Variants in TAFA4 observed in about 807,000 individuals in gnomAD.
TAFA4 encodes the protein TAFA chemokine like family member 4.
Under a neutral mutation model 21.1 loss-of-function variants are expected in TAFA4, and 20 were observed. The observed-to-expected ratio is 0.95, with a 90% CI of 0.67 to 1.38. The LOEUF is 1.38. Among genes scored for constraint, TAFA4 ranks in the 40% most tolerant of loss-of-function variants. TAFA4 has a pLI of 0.00. For missense variants in TAFA4, 211 were observed against 180.9 expected (o/e 1.17, Z -0.95); for synonymous variants, 71 against 67.4 (o/e 1.05, Z -0.26).
chr3:68,750,334 G>C (rs1702537183), intron 4 of TAFA4, among the ~76,000 whole-genome samples: 1 of 152,140 alleles, frequency 6.6e-6, no homozygotes, highest in Admixed American at 6.5e-5. Context: ...AAATAATTAT[G>C]GCCTATCCAT....
At chr3:68,919,348 C>T (rs1466172713) in intron 1 of TAFA4, among the ~76,000 whole-genome samples, 4 of 152,150 alleles carry the variant, frequency 2.6e-5, no homozygotes, top group African/African-American at 9.7e-5. Flanking sequence ...TTAATGACAT[C>T]GTCTTGTTTT....
chr3:68,814,118 C>T (rs544039090), intron 3 of TAFA4, among the ~76,000 whole-genome samples: 13 of 152,218 alleles, frequency 8.5e-5, no homozygotes, highest in African/African-American at 3.1e-4. Flanking sequence ...ATTCAACAAC[C>T]CTTCACGCTA....
At chr3:68,792,719 A>G (rs1243004791) in intron 3 of TAFA4, among the ~76,000 whole-genome samples, 2 of 152,180 alleles carry the variant, frequency 1.3e-5, no homozygotes, top group African/African-American at 4.8e-5. Flanking sequence ...TAATTTTGTA[A>G]TTATTGTTCA....
intron 5 of TAFA4, among the ~76,000 whole-genome samples, chr3:68,736,996 C>T (rs1702252910): frequency 6.6e-6 from 1 of 152,120 alleles, no homozygotes; most frequent in Admixed American, 6.6e-5. Context: ...CTTACATTCC[C>T]AGCACAGAGC....
chr3:68,759,857 C>T (rs904336005), intron 3 of TAFA4, among the ~76,000 whole-genome samples: 3 of 152,132 alleles, frequency 2.0e-5, no homozygotes, highest in African/African-American at 7.2e-5. Context: ...TAAGCTACTT[C>T]CCTTCTGGCT....
At chr3:68,911,367 T>C (rs2089960293) in intron 1 of TAFA4, among the ~76,000 whole-genome samples, 1 of 152,212 alleles carries the variant, frequency 6.6e-6, no homozygotes, top group East Asian at 1.9e-4. Context: ...GAGATTTACA[T>C]TCCCTGTGTA....
intron 4 of TAFA4, among the ~76,000 whole-genome samples, chr3:68,749,041 G>C (rs879512046): frequency 2.0e-5 from 3 of 152,184 alleles, no homozygotes; most frequent in Non-Finnish European, 2.9e-5. Context: ...ATGCTTACCA[G>C]CTGAATAGCT....
intron 3 of TAFA4, among the ~76,000 whole-genome samples, chr3:68,844,582 G>A (rs191568087): frequency 8.6e-5 from 13 of 152,002 alleles, no homozygotes; most frequent in African/African-American, 2.4e-4. Context: ...GTTTGCTCTC[G>A]CTTCTCTAGT....
intron 1 of TAFA4, among the ~76,000 whole-genome samples, chr3:68,896,932 C>G (rs2089796036): frequency 6.6e-6 from 1 of 152,218 alleles, no homozygotes; most frequent in Non-Finnish European, 1.5e-5. Context: ...GAGACGAAGT[C>G]TCAGTCTGTC....
intron 3 of TAFA4, among the ~76,000 whole-genome samples, chr3:68,808,517 C>T (rs569963185): frequency 6.6e-6 from 1 of 152,292 alleles, no homozygotes; most frequent in African/African-American, 2.4e-5. Flanking sequence ...GAATGAGCCA[C>T]CATAGCCTAC....
In TAFA4 at chr3:68,732,980, C is replaced by A; in HGVS notation, c.*162G>T. On this transcript the variant is annotated 3_prime_UTR_variant, in exon 6 of 6. Transcript: ENST00000295569. The stretch of plus-strand genomic sequence containing the variant: ...AAATAAAATCACGAAGCAGAGAGGG[C>A]TGGGCCAGTTAAGTGAATGCCACCT... The A allele has an allele frequency of 1.3e-6, 1 of 789,502 alleles. No homozygotes were observed. The allele number at this position is 789,502 out of a possible 1,614,324, so 48.9% of individuals were successfully genotyped here. A position where few individuals can be genotyped will look rare whatever the true frequency, so the allele number is the denominator to read the frequency against.
chr3:68,855,612 A>G (rs6797048), intron 3 of TAFA4, among the ~76,000 whole-genome samples: 46,000 of 152,018 alleles, frequency 0.3, 7,609 homozygotes, highest in Non-Finnish European at 0.38. Context: ...GTAGGGGGGA[A>G]AAAAGTTGTA....
chr3:68,881,951 C>G (rs1328811684), intron 2 of TAFA4, among the ~76,000 whole-genome samples: 1 of 152,110 alleles, frequency 6.6e-6, no homozygotes, highest in Non-Finnish European at 1.5e-5. Flanking sequence ...CACCATACGC[C>G]GAGGCACACA....
At chr3:68,917,753 C>CCAAA (rs764665164) in intron 1 of TAFA4, among the ~76,000 whole-genome samples, 2 of 58,190 alleles carry the variant, frequency 3.4e-5, no homozygotes, top group African/African-American at 1.3e-4. Context: ...GACTCTGTCT[C>CCAAA]AAAAAAAAAA....
intron 3 of TAFA4, among the ~76,000 whole-genome samples, chr3:68,878,192 C>T (rs1044704155): frequency 2.6e-5 from 4 of 152,144 alleles, no homozygotes; most frequent in Non-Finnish European, 4.4e-5. Flanking sequence ...ATAGTGCAGT[C>T]CAGGTTATAT....
chr3:68,810,644 G>C (rs931611475), intron 3 of TAFA4, among the ~76,000 whole-genome samples: 1 of 152,170 alleles, frequency 6.6e-6, no homozygotes, highest in Non-Finnish European at 1.5e-5. Flanking sequence ...CACCATTGCC[G>C]AGGCTTGAGT....
At chr3:68,764,200 G>A (rs961797697) in intron 3 of TAFA4, among the ~76,000 whole-genome samples, 1 of 151,986 alleles carries the variant, frequency 6.6e-6, no homozygotes, top group Non-Finnish European at 1.5e-5. Context: ...TGTCCTCAGG[G>A]GAAGAGACAT....
At chr3:68,791,582 G>C (rs1005860767) in intron 3 of TAFA4, among the ~76,000 whole-genome samples, 4 of 152,098 alleles carry the variant, frequency 2.6e-5, no homozygotes, top group African/African-American at 9.7e-5. Context: ...ATGCAGCAGA[G>C]GACTATATTT....
At position 68,883,871 on chromosome 3, in the gene TAFA4, A is replaced by G. The variant is rs370268646; in HGVS notation, c.14+1304T>C. On this transcript the variant is annotated intron_variant, in intron 2 of 5. Coordinates refer to ENST00000295569, the MANE Select transcript of TAFA4 (RefSeq NM_182522.5). ...ACGCTTGAGGCCAGGAATTCAAGGC[A>G]GGAGCGAGCTATGATTATACCACCA... is the stretch of plus-strand genomic sequence containing the variant. Among the ~76,000 whole-genome samples the G allele has an allele frequency of 6.6e-5, 10 of 152,066 alleles. No individual in the cohort carries two copies. In the East Asian group the frequency reaches 9.7e-4, roughly 15 times the overall value.
Sources: allele counts gnomAD v4.1 joint callset (sites outside exome capture counted in the v4.1 genomes callset), GRCh38; gene constraint gnomAD v4.1.1; transcripts MANE v1.5; gene names NCBI Gene and HGNC (gene_info 2026-07-23, HGNC 2026-07-21).